The following CTRC variants were observed in gnomAD, a reference collection of about 807,000 sequenced individuals.
CTRC encodes chymotrypsin-C.
CTRC carries 32 observed loss-of-function variants against 35.7 expected under a neutral mutation model. The ratio of observed to expected loss-of-function variants is 0.90; its 90% CI spans 0.68 to 1.20. The LOEUF (loss-of-function observed/expected upper bound fraction) is 1.20, where lower values mean the gene tolerates loss of function less well. Among genes scored for constraint, CTRC ranks in the 50% most tolerant of loss-of-function variants. The pLI is 0.00. For missense variants in CTRC, 324 were observed against 361.5 expected (o/e 0.90, Z 0.84); for synonymous variants, 119 against 149.5 (o/e 0.80, Z 1.49).
At position 15,444,649 on chromosome 1, in the gene CTRC, C is replaced by G. The variant is rs746027125; in HGVS notation, c.537C>G (p.Pro179=). ...IADKLQQGLQ[P]VVDHATCSRI... ...ATAAGCTGCAGCAGGGCCTGCAGCC[C>G]GTGGTGGATCACGCCACGTGCTCCA... Residue 179 remains proline (P), a synonymous_variant, in exon 6 of 8, where the codon CCC becomes CCG. Transcript: ENST00000375949. 5.6e-6 allele frequency: 9 copies of G among 1,614,198 alleles called. No individual in the cohort carries two copies. The South Asian group carries it at 7.7e-5, about 14-fold the overall frequency.
rs1293232392 is a variant in CTRC, at chr1:15,446,655, C to T, written c.*66C>T. 1.3e-6 allele frequency: 2 copies of T among 1,578,830 alleles called. No homozygotes were observed. The highest frequency in any genetic ancestry group is 1.7e-6 in the Non-Finnish European group (2 of 1,147,670). Reference sequence around the variant, plus strand: ...AATAAACTTCCTTCTCCTCGGGCCACCTGGATCCTTGATTTGTGCAGCTTC... The same window carrying T: ...AATAAACTTCCTTCTCCTCGGGCCATCTGGATCCTTGATTTGTGCAGCTTC... On this transcript the variant is annotated 3_prime_UTR_variant, in exon 8 of 8. Coordinates refer to ENST00000375949, the MANE Select transcript of CTRC (RefSeq NM_007272.3).
rs757062706 is a variant in CTRC, at chr1:15,445,714, A to G, written c.757A>G (p.Thr253Ala). ...CNTRKKPVVY[T>A]RVSAYIDWIN... ...CACCCGCAAGAAGCCGGTAGTCTAC[A>G]CCCGGGTGTCCGCCTACATCGACTG... Residue 253 changes from threonine (T) to alanine (A), a missense_variant, in exon 7 of 8, where the codon ACC becomes GCC. Physicochemically the swap from Thr to Ala is moderately conservative, Grantham distance 58. Coordinates refer to ENST00000375949, the MANE Select transcript of CTRC (RefSeq NM_007272.3). 6 of 1,614,070 alleles carry G rather than the reference A, an allele frequency of 3.7e-6. No individual in the cohort carries two copies. The highest frequency in any genetic ancestry group is 3.3e-4 in the Middle Eastern group (2 of 6,062).
intron 7 of CTRC, among the ~76,000 whole-genome samples, chr1:15,446,053 T>C (rs1708217424): frequency 6.6e-6 from 1 of 152,266 alleles, no homozygotes; most frequent in African/African-American, 2.4e-5. Context: ...TATTCACTCA[T>C]TCATTTGCTC....
At chr1:15,446,346 C>A (rs949306622) in intron 7 of CTRC, among the ~76,000 whole-genome samples, 1 of 152,366 alleles carries the variant, frequency 6.6e-6, no homozygotes, top group East Asian at 1.9e-4. Context: ...CAGAGGGTCA[C>A]CCTGGGCTGG....
intron 4 of CTRC, 22 bp from the exon 5 acceptor site, chr1:15,443,397 C>G: frequency 6.2e-7 from 1 of 1,614,206 alleles, no homozygotes; most frequent in South Asian, 1.1e-5. Flanking sequence ...TGCCCACTCA[C>G]CCTCTCCACT....
chr1:15,440,435 G>C (rs373205674), intron 2 of CTRC, 44 bp downstream of exon 2: 1 of 1,611,776 alleles, frequency 6.2e-7, no homozygotes, highest in Non-Finnish European at 8.5e-7. Context: ...AGAGGGTGGC[G>C]GGGTGAGGGT....
chr1:15,446,493 A>G, intron 7 of CTRC, 82 bp from the exon 8 acceptor site: 1 of 1,445,518 alleles, frequency 6.9e-7, no homozygotes. Flanking sequence ...GCCCCCATGG[A>G]CCCACCCTCC....
chr1:15,438,574 T>G lies in CTRC; in HGVS notation c.40+70T>G. The G allele has an allele frequency of 5.1e-6, 8 of 1,556,006 alleles. No individual in the cohort carries two copies. The South Asian group carries it at 8.9e-5, about 17-fold the overall frequency. On this transcript the variant is annotated intron_variant, in intron 1 of 7. Coordinates refer to ENST00000375949, the MANE Select transcript of CTRC (RefSeq NM_007272.3). ...GCTGGCCTCCAGGGCAAGGACGGGA[T>G]GGGGAGTGGGGGGGCCTCTGCTCTC...
rs78247007 is a variant in CTRC, at chr1:15,440,505, T to C, written c.145T>C (p.Tyr49His). The change falls in exon 3 of 8, where the codon TAC (tyrosine) becomes CAC (histidine). Residue 49 changes from tyrosine to histidine, a missense_variant. By Grantham distance (83) the Tyr-to-His change is moderately conservative. Coordinates refer to ENST00000375949, the MANE Select transcript of CTRC (RefSeq NM_007272.3). Reference protein sequence around the residue: ...HSWPWQISLQYLKNDTWRHTC... With the variant: ...HSWPWQISLQHLKNDTWRHTC... ...CACCCTCCTGCAGATCTCCCTCCAGTACCTCAAGAACGACACGTGGAGGCA... is the reference window on the plus strand; with the variant it reads ...CACCCTCCTGCAGATCTCCCTCCAGCACCTCAAGAACGACACGTGGAGGCA... 9 of 1,614,164 alleles carry C rather than the reference T, an allele frequency of 5.6e-6. No homozygotes were observed. The East Asian group carries it at 2.0e-4, about 36-fold the overall frequency.
intron 6 of CTRC, among the ~76,000 whole-genome samples, 181 bp downstream of exon 6, chr1:15,444,932 G>A (rs1708194345): frequency 6.6e-6 from 1 of 152,190 alleles, no homozygotes; most frequent in South Asian, 2.1e-4. Context: ...TGAGCATTGA[G>A]CACGAGTATC....
chr1:15,446,999 C>A lies in CTRC; in HGVS notation c.*410C>A, dbSNP rs978041032. The A allele has an allele frequency of 1.2e-4, 41 of 330,856 alleles. No homozygotes were observed. Among genetic ancestry groups the A allele is most frequent in the African/African-American group, 6.9e-4 (32 of 46,662 alleles). The allele number at this position is 330,856 out of a possible 1,614,324, so 20.5% of individuals were successfully genotyped here. A position where few individuals can be genotyped will look rare whatever the true frequency, so the allele number is the denominator to read the frequency against. On this transcript the variant is annotated 3_prime_UTR_variant, in exon 8 of 8. Coordinates refer to ENST00000375949, the MANE Select transcript of CTRC (RefSeq NM_007272.3). ...CTCCGATCCTACCTCCACCGAGGGG[C>A]CTGGCAGGTCCTCACAGCCCCCCAG... is the stretch of plus-strand genomic sequence containing the variant.
At position 15,448,163 on chromosome 1, in the gene CTRC, T is replaced by A. The variant is rs1708247253; in HGVS notation, c.*1574T>A. ...TTAATCTAAACTTCATTCCCACCTA[T>A]CCTCTTCTTTTTTTTTTTTTTTTTT... On this transcript the variant is annotated 3_prime_UTR_variant, in exon 8 of 8. Transcript: ENST00000375949. 7.3e-6 allele frequency: 1 copy of A among 136,182 alleles called. No homozygotes were observed. Among genetic ancestry groups the A allele is most frequent in the African/African-American group, 2.9e-5 (1 of 34,918 alleles). The allele number at this position is 136,182 out of a possible 1,614,324, so 8.4% of individuals were successfully genotyped here.
Position 15,444,293 on chromosome 1 carries a change from G to A in CTRC, c.494-313G>A, listed in dbSNP as rs1412901012. Among the ~76,000 whole-genome samples the A allele has an allele frequency of 7.9e-5, 12 of 152,020 alleles. 1 individual carries two copies. The East Asian group carries it at 2.3e-3, about 29-fold the overall frequency. On this transcript the variant is annotated intron_variant, in intron 5 of 7. Coordinates refer to ENST00000375949, the MANE Select transcript of CTRC (RefSeq NM_007272.3). Reference sequence around the variant, plus strand: ...AAAAGAAAGAGAAATAGAAAATCTTGGGGGTGAGAAAGGCTTTTTAATGGG... The same window carrying A: ...AAAAGAAAGAGAAATAGAAAATCTTAGGGGTGAGAAAGGCTTTTTAATGGG...
rs772818172 is a variant in CTRC, at chr1:15,438,490, C to T, written c.26C>T (p.Ala9Val). 19 of 1,614,060 alleles carry T rather than the reference C, an allele frequency of 1.2e-5. No homozygotes were observed. The highest frequency in any genetic ancestry group is 3.3e-4 in the Middle Eastern group (2 of 6,058). MLGITVLA[A>V]LLACASSCGV... ...ATGTTGGGCATCACTGTCCTCGCTG[C>T]GCTCTTGGCCTGTGGTAAGCGGTGG... is the stretch of plus-strand genomic sequence containing the variant. The change falls in exon 1 of 8, where the codon GCG becomes GTG. Residue 9 changes from alanine to valine, a missense_variant. Physicochemically the swap from Ala to Val is moderately conservative, Grantham distance 64. Coordinates refer to ENST00000375949, the MANE Select transcript of CTRC (RefSeq NM_007272.3).
chr1:15,442,113 G>A (rs1390946261), intron 3 of CTRC, among the ~76,000 whole-genome samples: 1 of 152,152 alleles, frequency 6.6e-6, no homozygotes, highest in Non-Finnish European at 1.5e-5. Flanking sequence ...GTGAGAGATA[G>A]TTAGATGGAT....
At position 15,445,715 on chromosome 1, in the gene CTRC, C is replaced by A; in HGVS notation, c.758C>A (p.Thr253Asn). The change falls in exon 7 of 8, where the codon ACC (threonine) becomes AAC (asparagine). Residue 253 changes from threonine (T) to asparagine (N), a missense_variant. Thr to Asn is a moderately conservative substitution (Grantham distance 65). Transcript: ENST00000375949. Reference protein sequence around the residue: ...CNTRKKPVVYTRVSAYIDWIN... With the variant: ...CNTRKKPVVYNRVSAYIDWIN... ...ACCCGCAAGAAGCCGGTAGTCTACACCCGGGTGTCCGCCTACATCGACTGG... is the reference window on the plus strand; with the variant it reads ...ACCCGCAAGAAGCCGGTAGTCTACAACCGGGTGTCCGCCTACATCGACTGG... 6.2e-7 allele frequency: 1 copy of A among 1,614,200 alleles called. No individual in the cohort carries two copies. Among genetic ancestry groups the A allele is most frequent in the Non-Finnish European group, 8.5e-7 (1 of 1,180,040 alleles).
In CTRC at chr1:15,448,257, C is replaced by T. The variant is rs1708249450; in HGVS notation, c.*1668C>T. The T allele has an allele frequency of 6.6e-6, 1 of 150,806 alleles. No individual in the cohort carries two copies. The highest frequency in any genetic ancestry group is 1.5e-5 in the Non-Finnish European group (1 of 67,912). The allele number at this position is 150,806 out of a possible 1,614,324, so 9.3% of individuals were successfully genotyped here. A position where few individuals can be genotyped will look rare whatever the true frequency, so the allele number is the denominator to read the frequency against. On this transcript the variant is annotated 3_prime_UTR_variant, in exon 8 of 8. Coordinates refer to ENST00000375949, the MANE Select transcript of CTRC (RefSeq NM_007272.3). ...GCACAATCTCAGCTCACTGCAACCT[C>T]CACCTCCCAGGTTCAAGTGATTCTT...
chr1:15,439,078 A>G (rs951660426), intron 1 of CTRC, among the ~76,000 whole-genome samples: 1 of 152,174 alleles, frequency 6.6e-6, no homozygotes, highest in Non-Finnish European at 1.5e-5. Flanking sequence ...GCCAGACGCT[A>G]TGCTAGGCCC....
intron 1 of CTRC, among the ~76,000 whole-genome samples, chr1:15,439,479 C>T (rs1056417326): frequency 6.6e-6 from 1 of 151,932 alleles, no homozygotes; most frequent in African/African-American, 2.4e-5. Context: ...TTCATAGCCC[C>T]ATTTTACAGA....
Sources: gnomAD v4.1 joint callset for allele counts (sites outside exome capture counted in the v4.1 genomes callset) on GRCh38, gnomAD v4.1.1 for gene constraint, MANE v1.5 for transcripts, NCBI Gene and HGNC (gene_info 2026-07-23, HGNC 2026-07-21) for gene names.